Variants in PPP6R3 observed in about 807,000 individuals in gnomAD.
The protein encoded by PPP6R3 is protein phosphatase 6 regulatory subunit 3, also known as serine/threonine-protein phosphatase 6 regulatory subunit 3.
PPP6R3 carries 38 observed loss-of-function variants against 110.7 expected under a neutral mutation model. That is an observed-to-expected ratio of 0.34 (90% CI 0.26 to 0.45). The LOEUF (loss-of-function observed/expected upper bound fraction) is 0.45. Ranked by LOEUF, PPP6R3 falls within the 20% of genes least tolerant of loss-of-function variation. The probability of loss-of-function intolerance (pLI) is 1.00; values close to 1 mark genes in which losing one functional copy is unlikely to be tolerated. For missense variants in PPP6R3, 870 were observed against 1,062.4 expected (o/e 0.82, Z 2.52); for synonymous variants, 369 against 373.5 (o/e 0.99, Z 0.14).
chr11:68,554,069 C>G, intron 6 of PPP6R3, 76 bp from the exon 7 acceptor site: 19 of 1,103,544 alleles, frequency 1.7e-5, no homozygotes, highest in East Asian at 2.6e-5. Flanking sequence ...TCTTAAATAA[C>G]TTTCCCTTTC....
chr11:68,591,451 G>T, intron 17 of PPP6R3, 125 bp from the exon 18 acceptor site: 1 of 800,386 alleles, frequency 1.2e-6, no homozygotes, highest in Non-Finnish European at 1.8e-6. Flanking sequence ...ATTTTATTTT[G>T]GTGTATGTGA....
At chr11:68,516,205 A>G (rs1486620719) in intron 1 of PPP6R3, among the ~76,000 whole-genome samples, 1 of 152,260 alleles carries the variant, frequency 6.6e-6, no homozygotes, top group Non-Finnish European at 1.5e-5. Context: ...ATGTATATAC[A>G]GGTTAAAGCA....
chr11:68,596,264 G>C (rs755108629), intron 19 of PPP6R3, 46 bp downstream of exon 19: 1 of 1,612,124 alleles, frequency 6.2e-7, no homozygotes, highest in East Asian at 2.2e-5. Flanking sequence ...GTTGGAATTA[G>C]GTATTGTGAA....
At chr11:68,517,181 C>T (rs1271031514) in intron 1 of PPP6R3, among the ~76,000 whole-genome samples, 2 of 151,028 alleles carry the variant, frequency 1.3e-5, no homozygotes, top group Non-Finnish European at 2.9e-5. Context: ...TTTAGGCTTT[C>T]AATTTTCTTT....
intron 1 of PPP6R3, among the ~76,000 whole-genome samples, chr11:68,470,735 G>T (rs2098785313): frequency 6.6e-6 from 1 of 152,136 alleles, no homozygotes; most frequent in African/African-American, 2.4e-5. Flanking sequence ...TGAAAAGGAA[G>T]AGCAGACAGG....
chr11:68,486,981 C>G (rs939779432), intron 1 of PPP6R3, among the ~76,000 whole-genome samples: 2 of 152,076 alleles, frequency 1.3e-5, no homozygotes, highest in Admixed American at 1.3e-4. Context: ...TTCTCTTTCT[C>G]CTCAGCCTGG....
intron 7 of PPP6R3, among the ~76,000 whole-genome samples, chr11:68,555,398 G>C (rs890710790): frequency 2.6e-5 from 4 of 152,198 alleles, no homozygotes; most frequent in African/African-American, 9.7e-5. Context: ...AGTGGAAATA[G>C]AATCAAAGCC....
chr11:68,563,118 A>AT (rs1382974232), intron 8 of PPP6R3, among the ~76,000 whole-genome samples: 1 of 151,770 alleles, frequency 6.6e-6, no homozygotes, highest in African/African-American at 2.4e-5. Flanking sequence ...AAAAAAAAAA[A>AT]AGCCAGGCAT....
intron 20 of PPP6R3, among the ~76,000 whole-genome samples, chr11:68,601,361 A>G (rs2099631281): frequency 6.6e-6 from 1 of 152,054 alleles, no homozygotes; most frequent in Non-Finnish European, 1.5e-5. Context: ...GATCTCCCTC[A>G]CCCCTACCCC....
intron 1 of PPP6R3, among the ~76,000 whole-genome samples, chr11:68,479,788 G>A (rs1236281307): frequency 6.6e-6 from 1 of 151,894 alleles, no homozygotes; most frequent in Non-Finnish European, 1.5e-5. Context: ...ACCCAGGCTG[G>A]AGTGCAGTGG....
chr11:68,503,867 T>G (rs1172836638), intron 1 of PPP6R3, among the ~76,000 whole-genome samples: 1 of 152,158 alleles, frequency 6.6e-6, no homozygotes, highest in Non-Finnish European at 1.5e-5. Flanking sequence ...GTATAAATGG[T>G]TCTTCAATAT....
intron 3 of PPP6R3, among the ~76,000 whole-genome samples, chr11:68,542,389 G>GTTTTTTTTTTGTTTTTGTT (rs1555132282): frequency 2.5e-5 from 1 of 40,188 alleles, no homozygotes; most frequent in African/African-American, 1.0e-4. Context: ...AGAAGCTGCT[G>GTTTTTTTTTTGTTTTTGTT]TTTTTTTTTT....
At chr11:68,523,039 C>G (rs1194738714) in intron 2 of PPP6R3, among the ~76,000 whole-genome samples, 3 of 152,190 alleles carry the variant, frequency 2.0e-5, no homozygotes, top group African/African-American at 7.2e-5. Flanking sequence ...TGTTTGTAAT[C>G]TACTTGGCTT....
intron 1 of PPP6R3, among the ~76,000 whole-genome samples, chr11:68,516,572 T>C (rs1008867350): frequency 2.0e-5 from 3 of 152,202 alleles, no homozygotes; most frequent in Admixed American, 1.3e-4. Flanking sequence ...GTCTCTACCA[T>C]ACTTCACTTG....
Position 68,491,258 on chromosome 11 carries a change from A to G in PPP6R3, c.-157-28243A>G, listed in dbSNP as rs149678677. 3.7e-3 allele frequency among the ~76,000 whole-genome samples: 553 copies of G among 149,500 alleles called. 4 individuals are homozygous for G. Among genetic ancestry groups the G allele is most frequent in the African/African-American group, 0.011 (427 of 40,616 alleles). Reference sequence around the variant, plus strand: ...TTGACTCTGGTTCTGATGCTTGTTCAGTGTCTTTATTAAAAATTTTTTTTT... The same window carrying G: ...TTGACTCTGGTTCTGATGCTTGTTCGGTGTCTTTATTAAAAATTTTTTTTT... On this transcript the variant is annotated intron_variant, in intron 1 of 23. Coordinates refer to ENST00000393800, the MANE Select transcript of PPP6R3 (RefSeq NM_001164161.2).
At chr11:68,518,504 C>T (rs1164280822) in intron 1 of PPP6R3, among the ~76,000 whole-genome samples, 2 of 152,178 alleles carry the variant, frequency 1.3e-5, no homozygotes, top group African/African-American at 4.8e-5. Flanking sequence ...ATTTGCCATA[C>T]AGGACCTTTC....
At chr11:68,511,460 T>TAG (rs1170811564) in intron 1 of PPP6R3, among the ~76,000 whole-genome samples, 19 of 110,254 alleles carry the variant, frequency 1.7e-4, no homozygotes, top group South Asian at 7.8e-4. Flanking sequence ...GTTACTGTGT[T>TAG]AGAGTGTGTG....
intron 1 of PPP6R3, among the ~76,000 whole-genome samples, chr11:68,500,168 A>G (rs2099040730): frequency 6.6e-6 from 1 of 152,208 alleles, no homozygotes; most frequent in African/African-American, 2.4e-5. Context: ...TAAAATGAAC[A>G]CACATTTGCT....
intron 1 of PPP6R3, among the ~76,000 whole-genome samples, chr11:68,487,393 ACT>A (rs1440413811): frequency 6.6e-6 from 1 of 151,570 alleles, no homozygotes; most frequent in Non-Finnish European, 1.5e-5. Flanking sequence ...ACATGGCAAA[ACT>A]CTATCTCCAC....
Sources: gnomAD v4.1 joint callset for allele counts (sites outside exome capture counted in the v4.1 genomes callset) on GRCh38, gnomAD v4.1.1 for gene constraint, MANE v1.5 for transcripts, NCBI Gene and HGNC (gene_info 2026-07-23, HGNC 2026-07-21) for gene names.